Variants in CAND2 observed in about 807,000 individuals in gnomAD.
CAND2 encodes cullin-associated NEDD8-dissociated protein 2.
A neutral mutation model predicts 98.9 loss-of-function variants in CAND2; 62 were observed. That is an observed-to-expected ratio of 0.63 (90% CI 0.51 to 0.77). CAND2 has a LOEUF of 0.77. Ranked by LOEUF, CAND2 falls within the 30% of genes least tolerant of loss-of-function variation. CAND2 has a pLI of 0.00. For missense variants in CAND2, 1,501 were observed against 1,655.2 expected (o/e 0.91, Z 1.62); for synonymous variants, 770 against 731.9 (o/e 1.05, Z -0.84).
chr3:12,823,769 C>T (rs1279044493), intron 11 of CAND2, among the ~76,000 whole-genome samples: 2 of 151,524 alleles, frequency 1.3e-5, no homozygotes, highest in Admixed American at 6.6e-5. Flanking sequence ...TGGTGGCACA[C>T]GCCTATAATC....
chr3:12,803,697 G>A (rs954918410), intron 2 of CAND2, 66 bp downstream of exon 2: 207 of 1,458,394 alleles, frequency 1.4e-4, no homozygotes, highest in Non-Finnish European at 1.7e-4. Flanking sequence ...CCTGGGGACC[G>A]CTGTCCCTTT....
intron 14 of CAND2, among the ~76,000 whole-genome samples, chr3:12,832,933 A>C (rs1343461522): frequency 1.3e-5 from 2 of 152,342 alleles, no homozygotes; most frequent in Admixed American, 1.3e-4. Context: ...ATCTGGCTCC[A>C]GGGGTTTCAG....
intron 2 of CAND2, among the ~76,000 whole-genome samples, chr3:12,805,060 G>T (rs2061796011): frequency 6.6e-6 from 1 of 152,126 alleles, no homozygotes; most frequent in African/African-American, 2.4e-5. Flanking sequence ...TACACATAAT[G>T]CCCTAACCAT....
chr3:12,797,683 T>C (rs545083465), intron 1 of CAND2, among the ~76,000 whole-genome samples: 3 of 152,258 alleles, frequency 2.0e-5, no homozygotes, highest in African/African-American at 7.2e-5. Flanking sequence ...AAAGAAGACC[T>C]TGGAGACTCA....
intron 1 of CAND2, among the ~76,000 whole-genome samples, chr3:12,798,067 T>G (rs1277522485): frequency 6.7e-6 from 1 of 150,132 alleles, no homozygotes; most frequent in Non-Finnish European, 1.5e-5. Flanking sequence ...GTGCTTCTGT[T>G]TCTATAAAAT....
chr3:12,814,139 T>C (rs1178281604), intron 7 of CAND2, among the ~76,000 whole-genome samples: 1 of 152,214 alleles, frequency 6.6e-6, no homozygotes, highest in African/African-American at 2.4e-5. Flanking sequence ...GGGGTGACAG[T>C]GATCCATTAG....
At chr3:12,833,129 A>G (rs1406196712) in intron 14 of CAND2, among the ~76,000 whole-genome samples, 1 of 152,202 alleles carries the variant, frequency 6.6e-6, no homozygotes, top group Non-Finnish European at 1.5e-5. Context: ...ACTGCATTGA[A>G]TTCTTTAGGA....
At position 12,815,529 on chromosome 3, in the gene CAND2, T is replaced by G; in HGVS notation, c.1299+96T>G. The G allele has an allele frequency of 3.0e-5, 25 of 829,916 alleles. No homozygotes were observed. Among genetic ancestry groups the G allele is most frequent in the Non-Finnish European group, 3.8e-5 (22 of 582,570 alleles). The allele number at this position is 829,916 out of a possible 1,614,324, so 51.4% of individuals were successfully genotyped here. ...ACTTGGAAACTCAGCTGGGAGAACA[T>G]CCAGCCATGGAAGGGAAGGGAAGGG... On this transcript the variant is annotated intron_variant, in intron 8 of 14. Coordinates refer to ENST00000456430, the MANE Select transcript of CAND2 (RefSeq NM_001162499.2). The surrounding 1 kb of genome is among the most constrained non-coding windows in gnomAD (Gnocchi z 5.7).
intron 1 of CAND2, among the ~76,000 whole-genome samples, chr3:12,799,028 G>C (rs1043887791): frequency 2.6e-5 from 4 of 152,242 alleles, no homozygotes; most frequent in Middle Eastern, 6.8e-3. Context: ...TACCACGGAG[G>C]CTCCAGCAGT....
intron 5 of CAND2, among the ~76,000 whole-genome samples, chr3:12,812,756 C>T (rs1559551470): frequency 6.6e-6 from 1 of 152,156 alleles, no homozygotes; most frequent in Non-Finnish European, 1.5e-5. Context: ...CACTGTTATC[C>T]TTGTTGTGAA....
In CAND2 at chr3:12,816,396, C is replaced by T. The variant is rs2061901533; in HGVS notation, c.1464C>T (p.Asp488=). Reference sequence around the variant, plus strand: ...CAGGCATCATCTTCTCGCTGGCCGACCGCTCCAGCTCCTCCACCATCCGGA... The same window carrying T: ...CAGGCATCATCTTCTCGCTGGCCGATCGCTCCAGCTCCTCCACCATCCGGA... ...LVSGIIFSLA[D]RSSSSTIRMD... The change falls in exon 10 of 15, where the codon GAC becomes GAT. Residue 488 remains aspartate (D), a synonymous_variant. Coordinates refer to ENST00000456430, the MANE Select transcript of CAND2 (RefSeq NM_001162499.2). 6.2e-7 allele frequency: 1 copy of T among 1,612,792 alleles called. No homozygotes were observed. The highest frequency in any genetic ancestry group is 8.5e-7 in the Non-Finnish European group (1 of 1,179,526).
At chr3:12,804,236 C>T (rs1271764936) in intron 2 of CAND2, among the ~76,000 whole-genome samples, 1 of 151,996 alleles carries the variant, frequency 6.6e-6, no homozygotes, top group African/African-American at 2.4e-5. Context: ...GGTGGATCAC[C>T]TGAGGTCAGG....
At chr3:12,799,530 G>A (rs1356224246) in intron 1 of CAND2, among the ~76,000 whole-genome samples, 1 of 152,108 alleles carries the variant, frequency 6.6e-6, no homozygotes, top group East Asian at 1.9e-4. Flanking sequence ...AAATGCTGAG[G>A]CATACTTCAG....
chr3:12,822,455 C>T (rs1464495329), intron 11 of CAND2, among the ~76,000 whole-genome samples: 10 of 152,038 alleles, frequency 6.6e-5, no homozygotes, highest in Non-Finnish European at 1.3e-4. Context: ...AGCCACCACA[C>T]CTGGCTACTT....
intron 12 of CAND2, among the ~76,000 whole-genome samples, chr3:12,826,798 C>T (rs1559558794): frequency 1.9e-5 from 1 of 51,666 alleles, no homozygotes; most frequent in Non-Finnish European, 3.5e-5. Flanking sequence ...TCAGTTTCCT[C>T]ATCTGTCATT....
At chr3:12,818,341 C>T (rs1241173289) in intron 10 of CAND2, among the ~76,000 whole-genome samples, 1 of 152,140 alleles carries the variant, frequency 6.6e-6, no homozygotes, top group Non-Finnish European at 1.5e-5. Context: ...GTGCTCCACA[C>T]AGAGGTCAAC....
chr3:12,828,966 T>C (rs141879305), intron 13 of CAND2, among the ~76,000 whole-genome samples: 42 of 152,276 alleles, frequency 2.8e-4, no homozygotes, highest in African/African-American at 9.1e-4. Flanking sequence ...GGACAAATAT[T>C]TGGGTGTTCC....
chr3:12,833,339 G>A (rs893046837), intron 14 of CAND2, among the ~76,000 whole-genome samples: 4 of 152,216 alleles, frequency 2.6e-5, no homozygotes, highest in African/African-American at 9.7e-5. Context: ...GCTGCTAGAA[G>A]ACCATCGCAG....
intron 14 of CAND2, 94 bp downstream of exon 14, chr3:12,831,666 T>C: frequency 2.8e-6 from 2 of 710,856 alleles, no homozygotes; most frequent in Middle Eastern, 3.3e-4. Flanking sequence ...CTTCCTGCAG[T>C]GCAGGTGATG....
Sources: gnomAD v4.1 joint callset for allele counts (sites outside exome capture counted in the v4.1 genomes callset) on GRCh38, gnomAD v4.1.1 for gene constraint, Gnocchi (gnomAD v3.1) non-coding constraint, MANE v1.5 for transcripts, NCBI Gene and HGNC (gene_info 2026-07-23, HGNC 2026-07-21) for gene names.